Variants in LRRC8D observed in about 807,000 individuals in gnomAD.
LRRC8D encodes leucine rich repeat containing 8 VRAC subunit D.
In LRRC8D, 20 loss-of-function variants were observed where a neutral mutation model predicts 55.8. That is an observed-to-expected ratio of 0.36 (90% CI 0.25 to 0.52). LRRC8D has a LOEUF of 0.52. Among genes scored for constraint, LRRC8D ranks in the 20% least tolerant of loss-of-function variants. The pLI, the probability that LRRC8D is intolerant of heterozygous loss-of-function variation, is 0.93. For missense variants in LRRC8D, 651 were observed against 1,030.8 expected (o/e 0.63, Z 5.05); for synonymous variants, 352 against 377.0 (o/e 0.93, Z 0.77).
intron 2 of LRRC8D, among the ~76,000 whole-genome samples, chr1:89,888,930 G>A (rs1662492163): frequency 6.6e-6 from 1 of 152,188 alleles, no homozygotes; most frequent in South Asian, 2.1e-4. Context: ...AGACAAATCT[G>A]TGCAGAAAAA....
At chr1:89,866,316 G>A (rs1661848760) in intron 2 of LRRC8D, among the ~76,000 whole-genome samples, 1 of 152,236 alleles carries the variant, frequency 6.6e-6, no homozygotes, top group Non-Finnish European at 1.5e-5. Context: ...AATGCTTGGT[G>A]ATGTGGCAAT....
At chr1:89,910,089 G>C (rs1234185528) in intron 2 of LRRC8D, among the ~76,000 whole-genome samples, 1 of 152,166 alleles carries the variant, frequency 6.6e-6, no homozygotes, top group Non-Finnish European at 1.5e-5. Flanking sequence ...ACACTTTAAT[G>C]AATTCAGAAT....
At chr1:89,844,408 A>C (rs747068853) in intron 2 of LRRC8D, among the ~76,000 whole-genome samples, 6 of 152,178 alleles carry the variant, frequency 3.9e-5, no homozygotes, top group Non-Finnish European at 5.9e-5. Flanking sequence ...CACACACCGG[A>C]AAGGTAGGGA....
rs897045152 is a variant in LRRC8D at position 89,934,691 on chromosome 1, C to T, written c.1623C>T (p.Cys541=). 3 of 1,614,174 alleles carry T rather than the reference C, an allele frequency of 1.9e-6. No individual in the cohort carries two copies. The highest frequency in any genetic ancestry group is 2.5e-6 in the Non-Finnish European group (3 of 1,180,034). ...GCTTTCTTCGCGATCACTTGAGATG[C>T]CTTCACGTGAAGTTCACTGATGTGG... The part of the protein sequence containing the change: ...AFSFLRDHLR[C]LHVKFTDVAE... Residue 541 remains cysteine, a synonymous_variant, in exon 3 of 3, where the codon TGC becomes TGT. Coordinates refer to ENST00000337338, the MANE Select transcript of LRRC8D (RefSeq NM_001134479.2). This position sits in a 1 kb window ranked among gnomAD's most constrained non-coding sequence, Gnocchi z 5.9.
intron 1 of LRRC8D, 73 bp from the exon 2 acceptor site, chr1:89,843,565 C>T: frequency 1.4e-6 from 1 of 696,182 alleles, no homozygotes; most frequent in Non-Finnish European, 2.6e-6. Context: ...TCCCCGCCGC[C>T]CTGCACTCCT....
intron 2 of LRRC8D, among the ~76,000 whole-genome samples, chr1:89,846,992 A>G (rs539494860): frequency 7.2e-5 from 11 of 152,162 alleles, no homozygotes; most frequent in Non-Finnish European, 4.4e-5. Context: ...CGCATCCCCT[A>G]CTCTTTCATT....
intron 1 of LRRC8D, among the ~76,000 whole-genome samples, chr1:89,842,889 G>T (rs1661169763): frequency 6.6e-6 from 1 of 152,194 alleles, no homozygotes; most frequent in African/African-American, 2.4e-5. Flanking sequence ...GCTCCATGTG[G>T]AATTGGTATA....
At chr1:89,866,074 C>T (rs1186714340) in intron 2 of LRRC8D, among the ~76,000 whole-genome samples, 10 of 152,222 alleles carry the variant, frequency 6.6e-5, no homozygotes. Flanking sequence ...ATGTGTAGCA[C>T]ATACCTTCAT....
chr1:89,833,572 C>CT (rs1208132870), intron 1 of LRRC8D: 1 of 152,262 alleles, frequency 6.6e-6, no homozygotes, highest in African/African-American at 2.4e-5. Context: ...TCCCAGCACT[C>CT]TCTTTTGTGG....
chr1:89,898,378 C>G (rs1318371598), intron 2 of LRRC8D, among the ~76,000 whole-genome samples: 2 of 152,208 alleles, frequency 1.3e-5, no homozygotes, highest in African/African-American at 4.8e-5. Context: ...TTGAGCATCT[C>G]ACAATGTTCC....
intron 2 of LRRC8D, among the ~76,000 whole-genome samples, chr1:89,860,789 T>A (rs986821605): frequency 0.017 from 1,160 of 69,562 alleles, 28 homozygotes; most frequent in African/African-American, 0.049. Flanking sequence ...AAAAAAAATA[T>A]ATATATATAT....
At chr1:89,836,934 C>T (rs1210404874) in intron 1 of LRRC8D, among the ~76,000 whole-genome samples, 1 of 152,136 alleles carries the variant, frequency 6.6e-6, no homozygotes, top group East Asian at 1.9e-4. Context: ...GATTGAATTC[C>T]GTTCCTTGTG....
Position 89,835,310 on chromosome 1 carries a change from G to A in LRRC8D, c.-147-8328G>A, listed in dbSNP as rs1660978629. Among the ~76,000 whole-genome samples, 3 of 152,156 alleles carry A rather than the reference G, an allele frequency of 2.0e-5. 1 individual carries two copies. The South Asian group carries it at 6.2e-4, about 32-fold the overall frequency. ...CTAATTTTGAGTTTGTCCCTGTATGGATGATTTTTTAAACCATGGGAGGGG... is the reference window on the plus strand; with the variant it reads ...CTAATTTTGAGTTTGTCCCTGTATGAATGATTTTTTAAACCATGGGAGGGG... On this transcript the variant is annotated intron_variant, in intron 1 of 2. Transcript: ENST00000337338.
intron 2 of LRRC8D, among the ~76,000 whole-genome samples, chr1:89,896,671 C>T (rs1356644986): frequency 6.6e-6 from 1 of 152,146 alleles, no homozygotes; most frequent in East Asian, 1.9e-4. Context: ...GATTAGCATT[C>T]AGGACAGAGT....
chr1:89,868,596 T>C (rs1325125299), intron 2 of LRRC8D, among the ~76,000 whole-genome samples: 2 of 151,990 alleles, frequency 1.3e-5, no homozygotes, highest in Non-Finnish European at 2.9e-5. Flanking sequence ...GAGTTCTAAC[T>C]ATATGCCAGG....
chr1:89,822,772 A>T (rs1292355136), intron 1 of LRRC8D, among the ~76,000 whole-genome samples: 1 of 152,192 alleles, frequency 6.6e-6, no homozygotes, highest in Non-Finnish European at 1.5e-5. Context: ...CATATCCTGT[A>T]AATGGGGTCC....
intron 2 of LRRC8D, among the ~76,000 whole-genome samples, chr1:89,920,913 T>C (rs1663399383): frequency 6.6e-6 from 1 of 152,220 alleles, no homozygotes; most frequent in Non-Finnish European, 1.5e-5. Context: ...TAGTTTGTTC[T>C]CATTTGATTT....
At chr1:89,903,206 G>A (rs1662908533) in intron 2 of LRRC8D, among the ~76,000 whole-genome samples, 1 of 111,322 alleles carries the variant, frequency 9.0e-6, no homozygotes, top group East Asian at 2.0e-4. Context: ...GTTCTCTGAG[G>A]GTAGAGTTGT....
At chr1:89,898,448 T>C (rs1476728986) in intron 2 of LRRC8D, among the ~76,000 whole-genome samples, 1 of 152,200 alleles carries the variant, frequency 6.6e-6, no homozygotes, top group East Asian at 1.9e-4. Flanking sequence ...TCACTTCCTG[T>C]GGATCAGGAC....
Sources: gnomAD v4.1 joint callset for allele counts (sites outside exome capture counted in the v4.1 genomes callset) on GRCh38, gnomAD v4.1.1 for gene constraint, Gnocchi (gnomAD v3.1) non-coding constraint, MANE v1.5 for transcripts, NCBI Gene and HGNC (gene_info 2026-07-23, HGNC 2026-07-21) for gene names.